Variants in SSH2 observed in about 807,000 individuals in gnomAD.
The protein encoded by SSH2 is slingshot protein phosphatase 2.
In SSH2, 37 loss-of-function variants were observed where a neutral mutation model predicts 135.2. The observed-to-expected ratio is 0.27, with a 90% CI of 0.21 to 0.36. The LOEUF is 0.36. SSH2 is among the 10% of genes least tolerant of loss of function. The probability of loss-of-function intolerance (pLI) is 1.00; values close to 1 mark genes in which losing one functional copy is unlikely to be tolerated. For synonymous variants in SSH2, 628 were observed against 646.2 expected (o/e 0.97, Z 0.43); for missense variants, 1,408 against 1,765.3 (o/e 0.80, Z 3.63).
chr17:29,652,219 A>C (rs953463755), intron 12 of SSH2, among the ~76,000 whole-genome samples: 1 of 152,216 alleles, frequency 6.6e-6, no homozygotes, highest in Admixed American at 6.5e-5. Flanking sequence ...AAATTACCAC[A>C]GGACCCAGCA....
intron 3 of SSH2, among the ~76,000 whole-genome samples, chr17:29,733,991 T>A (rs551728958): frequency 6.7e-6 from 1 of 150,284 alleles, no homozygotes; most frequent in African/African-American, 2.5e-5. Context: ...GCTCATTGCC[T>A]CACTGCTACC....
At chr17:29,914,574 A>T (rs931734583) in intron 1 of SSH2, among the ~76,000 whole-genome samples, 6 of 148,538 alleles carry the variant, frequency 4.0e-5, no homozygotes, top group African/African-American at 1.5e-4. Context: ...AAAAAAAAAA[A>T]CAAACAAAAA....
At chr17:29,843,028 G>A (rs1419580406) in intron 2 of SSH2, among the ~76,000 whole-genome samples, 1 of 152,120 alleles carries the variant, frequency 6.6e-6, no homozygotes, top group African/African-American at 2.4e-5. Context: ...TTCTGCAAAT[G>A]AGTCTGAAAA....
intron 2 of SSH2, among the ~76,000 whole-genome samples, chr17:29,831,047 A>C (rs556178666): frequency 2.6e-5 from 4 of 152,336 alleles, no homozygotes; most frequent in African/African-American, 9.6e-5. Flanking sequence ...TTTAATTTTT[A>C]CTTGTTATAT....
At chr17:29,638,509 TACACACACACACACACACACACACACAC>T (rs71138839) in intron 14 of SSH2, among the ~76,000 whole-genome samples, 6 of 128,882 alleles carry the variant, frequency 4.7e-5, no homozygotes, top group Admixed American at 1.6e-4. Context: ...TTCTATATTT[TACACACACACACACACACACACACACAC>T]ACACACACAC....
In SSH2 at chr17:29,625,976, A is replaced by G. The variant is rs2035487196; in HGVS notation, c.*4865T>C. The G allele has an allele frequency of 6.5e-6, 1 of 152,692 alleles. No homozygotes were observed. The highest frequency in any genetic ancestry group is 2.4e-5 in the African/African-American group (1 of 41,460). 9.5% of individuals were successfully genotyped at this position (152,692 alleles called of 1,614,324 possible). On this transcript the variant is annotated 3_prime_UTR_variant, in exon 16 of 16. Coordinates refer to ENST00000540801, the MANE Select transcript of SSH2 (RefSeq NM_001282129.2). ...ATAAAAATTTATTCAATCTGTAACA[A>G]GAACATTGAATCTGCACATTTGCGC...
intron 3 of SSH2, among the ~76,000 whole-genome samples, chr17:29,773,016 T>C (rs1270206367): frequency 7.4e-6 from 1 of 135,444 alleles, no homozygotes; most frequent in African/African-American, 2.8e-5. Flanking sequence ...CAATTCCCCA[T>C]CTGTCCATCC....
At chr17:29,710,038 A>T (rs1443635812) in intron 3 of SSH2, among the ~76,000 whole-genome samples, 2 of 152,204 alleles carry the variant, frequency 1.3e-5, no homozygotes, top group African/African-American at 4.8e-5. Flanking sequence ...AAGGTCAACT[A>T]AGGGAAGAAA....
intron 3 of SSH2, chr17:29,776,110 C>T (rs945073867): frequency 6.6e-6 from 1 of 152,276 alleles, no homozygotes; most frequent in Non-Finnish European, 1.5e-5. Flanking sequence ...AGCGACTCCT[C>T]AGGGTTGGCT....
chr17:29,882,196 T>A (rs891169300), intron 1 of SSH2, among the ~76,000 whole-genome samples: 35 of 152,230 alleles, frequency 2.3e-4, no homozygotes, highest in African/African-American at 8.4e-4. Context: ...AAGTGTAAAC[T>A]AATACAACTT....
At chr17:29,926,375 C>CAA (rs71360725) in intron 1 of SSH2, among the ~76,000 whole-genome samples, 2 of 123,354 alleles carry the variant, frequency 1.6e-5, no homozygotes, top group Non-Finnish European at 3.5e-5. Flanking sequence ...CCCATCTCTA[C>CAA]AAAAAAAAAA....
intron 3 of SSH2, chr17:29,761,084 A>C: frequency 1.6e-6 from 2 of 1,282,478 alleles, no homozygotes; most frequent in Non-Finnish European, 2.0e-6. Context: ...ATGCTGGGGA[A>C]AGCGGCTGCT....
intron 1 of SSH2, among the ~76,000 whole-genome samples, chr17:29,886,471 G>A (rs533733599): frequency 6.6e-6 from 1 of 152,070 alleles, no homozygotes; most frequent in Non-Finnish European, 1.5e-5. Flanking sequence ...AAATGGCCGG[G>A]TGTCGTGGCT....
At chr17:29,864,639 C>T (rs1172130136) in intron 1 of SSH2, among the ~76,000 whole-genome samples, 1 of 127,078 alleles carries the variant, frequency 7.9e-6, no homozygotes, top group Non-Finnish European at 1.7e-5. Context: ...AATCTGAATA[C>T]TTACTAAAAA....
At chr17:29,727,700 T>C (rs2040048715) in intron 3 of SSH2, among the ~76,000 whole-genome samples, 1 of 152,176 alleles carries the variant, frequency 6.6e-6, no homozygotes, top group African/African-American at 2.4e-5. Flanking sequence ...AAAAAGATGT[T>C]AGAACCCACA....
intron 2 of SSH2, among the ~76,000 whole-genome samples, chr17:29,799,433 C>G (rs1450528523): frequency 1.3e-5 from 2 of 152,118 alleles, no homozygotes; most frequent in Non-Finnish European, 1.5e-5. Context: ...AAATTCTAGC[C>G]AACACAGGAT....
chr17:29,814,614 G>C (rs951785781), intron 2 of SSH2, among the ~76,000 whole-genome samples: 6 of 151,868 alleles, frequency 4.0e-5, no homozygotes, highest in African/African-American at 1.5e-4. Flanking sequence ...GGTTTATGCA[G>C]ACTATTCATA....
intron 1 of SSH2, among the ~76,000 whole-genome samples, chr17:29,852,299 A>T (rs2065577214): frequency 6.6e-6 from 1 of 151,830 alleles, no homozygotes; most frequent in African/African-American, 2.4e-5. Flanking sequence ...TGACCTTTCA[A>T]GAAAGAGGTC....
At chr17:29,679,812 T>C (rs1439161023) in intron 6 of SSH2, among the ~76,000 whole-genome samples, 1 of 152,220 alleles carries the variant, frequency 6.6e-6, no homozygotes, top group Non-Finnish European at 1.5e-5. Flanking sequence ...GAAGATTAAA[T>C]AACAAATAAA....
Sources: allele counts gnomAD v4.1 joint callset (sites outside exome capture counted in the v4.1 genomes callset), GRCh38; gene constraint gnomAD v4.1.1; transcripts MANE v1.5; gene names NCBI Gene and HGNC (gene_info 2026-07-23, HGNC 2026-07-21).